The following MKLN1 variants were observed in gnomAD, a reference collection of about 807,000 sequenced individuals.
The protein encoded by MKLN1 is muskelin 1.
A neutral mutation model predicts 99.0 loss-of-function variants in MKLN1; 18 were observed. The observed-to-expected ratio is 0.18, with a 90% CI of 0.13 to 0.27. The LOEUF (loss-of-function observed/expected upper bound fraction) is 0.27, where lower values mean the gene tolerates loss of function less well. MKLN1 is among the 10% of genes least tolerant of loss of function. MKLN1 has a pLI of 1.00. For synonymous variants in MKLN1, 288 were observed against 293.2 expected, an observed-to-expected ratio of 0.98 and a Z score of 0.18; for missense variants, 621 against 875.9, an observed-to-expected ratio of 0.71 and a Z score of 3.67.
At chr7:131,331,000 C>G (rs1236052432) in intron 1 of MKLN1, among the ~76,000 whole-genome samples, 1 of 151,950 alleles carries the variant, frequency 6.6e-6, no homozygotes, top group Non-Finnish European at 1.5e-5. Flanking sequence ...TTAAATAATT[C>G]ATAAAATTAC....
intron 3 of MKLN1, among the ~76,000 whole-genome samples, chr7:131,292,417 C>T (rs1563281535): frequency 6.6e-6 from 1 of 152,100 alleles, no homozygotes; most frequent in African/African-American, 2.4e-5. Flanking sequence ...ATCATGTCCC[C>T]CCAAAAAGAT....
At chr7:131,266,340 T>C (rs1167249696) in intron 3 of MKLN1, among the ~76,000 whole-genome samples, 1 of 152,174 alleles carries the variant, frequency 6.6e-6, no homozygotes, top group African/African-American at 2.4e-5. Context: ...TCAACCAATG[T>C]ACTCATTTGT....
intron 9 of MKLN1, among the ~76,000 whole-genome samples, chr7:131,432,958 G>C (rs1437345455): frequency 6.6e-6 from 1 of 152,104 alleles, no homozygotes; most frequent in African/African-American, 2.4e-5. Flanking sequence ...AGACTCCCTT[G>C]AAGTACCTAG....
intron 8 of MKLN1, among the ~76,000 whole-genome samples, chr7:131,425,958 A>G (rs1028109039): frequency 6.6e-6 from 1 of 152,124 alleles, no homozygotes; most frequent in African/African-American, 2.4e-5. Context: ...AAATAATTAG[A>G]TGAATTAATT....
intron 4 of MKLN1, among the ~76,000 whole-genome samples, chr7:131,396,536 G>A (rs1423089653): frequency 6.6e-6 from 1 of 152,022 alleles, no homozygotes; most frequent in East Asian, 1.9e-4. Context: ...GGAATATTTA[G>A]TATTTTCCCA....
At chr7:131,471,215 A>T (rs1796811291) in intron 16 of MKLN1, 1 of 270,526 alleles carries the variant, frequency 3.7e-6, no homozygotes, top group African/African-American at 2.3e-5. Flanking sequence ...TTGGAAAGCA[A>T]ATAGAAATTT....
intron 3 of MKLN1, among the ~76,000 whole-genome samples, chr7:131,257,480 T>C (rs1797673420): frequency 6.6e-6 from 1 of 152,210 alleles, no homozygotes; most frequent in South Asian, 2.1e-4. Context: ...AAATGTGAGC[T>C]GTCTGGTAAG....
chr7:131,438,120 A>G, intron 10 of MKLN1, 123 bp downstream of exon 10: 1 of 730,460 alleles, frequency 1.4e-6, no homozygotes, highest in Non-Finnish European at 2.3e-6. Context: ...ATATCTATTG[A>G]CAGTAATAAT....
intron 2 of MKLN1, among the ~76,000 whole-genome samples, chr7:131,169,068 A>G (rs1796178716): frequency 6.6e-6 from 1 of 152,040 alleles, no homozygotes; most frequent in South Asian, 2.1e-4. Flanking sequence ...GTTTCACCCT[A>G]TTGGCCAGGC....
chr7:131,386,799 G>C (rs79259365), intron 2 of MKLN1, among the ~76,000 whole-genome samples: 1,945 of 152,180 alleles, frequency 0.013, 50 homozygotes, highest in African/African-American at 0.044. Flanking sequence ...TGTTTTATTT[G>C]GTTTTGCATA....
intron 12 of MKLN1, among the ~76,000 whole-genome samples, chr7:131,450,118 A>C (rs998250240): frequency 2.6e-5 from 4 of 152,100 alleles, no homozygotes; most frequent in African/African-American, 9.7e-5. Context: ...AGTTTGGGCT[A>C]ACATCACCTA....
intron 17 of MKLN1, 73 bp downstream of exon 17, chr7:131,478,750 G>A (rs369484648): frequency 4.8e-5 from 72 of 1,511,286 alleles, no homozygotes; most frequent in African/African-American, 3.2e-4. Flanking sequence ...TTTCTTTTAC[G>A]TGAAACATCA....
chr7:131,163,408 T>G (rs896585171), intron 2 of MKLN1, among the ~76,000 whole-genome samples: 2 of 152,234 alleles, frequency 1.3e-5, no homozygotes, highest in Non-Finnish European at 2.9e-5. Flanking sequence ...TTGCTTTCAT[T>G]TCTACGATTC....
chr7:131,224,736 C>T (rs1035684941), intron 3 of MKLN1, among the ~76,000 whole-genome samples: 1 of 151,616 alleles, frequency 6.6e-6, no homozygotes, highest in Non-Finnish European at 1.5e-5. Flanking sequence ...AAAAAACCCT[C>T]AAAGGAGTGA....
At chr7:131,367,832 A>G (rs1209629479) in intron 1 of MKLN1, among the ~76,000 whole-genome samples, 1 of 152,220 alleles carries the variant, frequency 6.6e-6, no homozygotes, top group Non-Finnish European at 1.5e-5. Context: ...TAAAAATCAC[A>G]TGTACAAAGC....
chr7:131,190,009 C>T (rs1249026281), intron 2 of MKLN1, among the ~76,000 whole-genome samples: 1 of 152,070 alleles, frequency 6.6e-6, no homozygotes, highest in East Asian at 1.9e-4. Context: ...GTAATGAAGG[C>T]TAAGTGTGAC....
intron 10 of MKLN1, among the ~76,000 whole-genome samples, chr7:131,439,919 GTCTC>G (rs777684634): frequency 3.9e-5 from 5 of 127,614 alleles, no homozygotes; most frequent in African/African-American, 8.8e-5. Context: ...CACACACACA[GTCTC>G]TCTCTCTCAG....
At chr7:131,237,157 A>G (rs1797334778) in intron 3 of MKLN1, among the ~76,000 whole-genome samples, 1 of 152,156 alleles carries the variant, frequency 6.6e-6, no homozygotes, top group Non-Finnish European at 1.5e-5. Context: ...TATATATGCA[A>G]TTTATCACAC....
At chr7:131,222,921 T>A (rs10755877) in intron 3 of MKLN1, among the ~76,000 whole-genome samples, 98,551 of 151,214 alleles carry the variant, frequency 0.65, 32,203 homozygotes, top group Middle Eastern at 0.69. Context: ...GCGCACCTGT[T>A]ATCCTAGTTA....
Sources: allele counts gnomAD v4.1 joint callset (sites outside exome capture counted in the v4.1 genomes callset), GRCh38; gene constraint gnomAD v4.1.1; transcripts MANE v1.5; gene names NCBI Gene and HGNC (gene_info 2026-07-23, HGNC 2026-07-21).